ADAM12: variants seen among roughly 807,000 people sequenced by gnomAD.
ADAM12 encodes disintegrin and metalloproteinase domain-containing protein 12.
A neutral mutation model predicts 106.4 loss-of-function variants in ADAM12; 70 were observed. That is an observed-to-expected ratio of 0.66 (90% CI 0.54 to 0.80). The LOEUF is 0.80. Ranked by LOEUF, ADAM12 falls within the 30% of genes least tolerant of loss-of-function variation. The pLI is 0.00. For synonymous variants in ADAM12, 420 were observed against 433.5 expected (o/e 0.97, Z 0.39); for missense variants, 1,010 against 1,171.9 (o/e 0.86, Z 2.02).
intron 2 of ADAM12, among the ~76,000 whole-genome samples, chr10:126,317,257 T>C (rs1284579223): frequency 6.6e-6 from 1 of 152,194 alleles, no homozygotes; most frequent in African/African-American, 2.4e-5. Flanking sequence ...GCCAAGCTAA[T>C]GGCTCCCATG....
Position 126,159,307 on chromosome 10 carries a change from CAAAAAAAA to C in ADAM12, c.261-4010_261-4003del, listed in dbSNP as rs3069557. 6.4e-3 allele frequency among the ~76,000 whole-genome samples: 516 copies of C among 80,570 alleles called. 6 individuals are homozygous for C. The highest frequency in any genetic ancestry group is 0.026 in the Middle Eastern group (3 of 114). The allele number at this position is 80,570 out of a possible 152,430, so 52.9% of individuals were successfully genotyped here. On this transcript the variant is annotated intron_variant, in intron 3 of 22. Coordinates refer to ENST00000448723, the MANE Select transcript of ADAM12 (RefSeq NM_001288973.2). Reference sequence around the variant, plus strand: ...CCTGGGCAACAGAGCGAGACTCCATCAAAAAAAAAAAAAAAAAAAAAAAAGGAGCACAC... The same window carrying C: ...CCTGGGCAACAGAGCGAGACTCCATCAAAAAAAAAAAAAAAAGGAGCACAC...
At chr10:126,382,179 CA>C (rs151015864) in intron 1 of ADAM12, among the ~76,000 whole-genome samples, 40,986 of 151,872 alleles carry the variant, frequency 0.27, 6,308 homozygotes, top group Middle Eastern at 0.43. Flanking sequence ...GGCACTGGAA[CA>C]GGGGGCACTG....
chr10:126,120,155 A>G (rs1278397), intron 5 of ADAM12, among the ~76,000 whole-genome samples: 99,727 of 152,072 alleles, frequency 0.66, 33,371 homozygotes, highest in African/African-American at 0.8. Flanking sequence ...CTCTTCCTAG[A>G]ATAATTCACA....
At chr10:126,293,840 C>T (rs74744486) in intron 2 of ADAM12, among the ~76,000 whole-genome samples, 1,861 of 152,296 alleles carry the variant, frequency 0.012, 21 homozygotes, top group Non-Finnish European at 0.02. Context: ...CACAAGGCCC[C>T]TTCAGATGCC....
intron 4 of ADAM12, among the ~76,000 whole-genome samples, chr10:126,150,430 G>A (rs1179396036): frequency 6.6e-6 from 1 of 152,110 alleles, no homozygotes; most frequent in Non-Finnish European, 1.5e-5. Flanking sequence ...GCTGTCCTAT[G>A]ACAAACTCAA....
intron 1 of ADAM12, among the ~76,000 whole-genome samples, chr10:126,334,950 T>C (rs746909282): frequency 6.6e-6 from 1 of 152,222 alleles, no homozygotes. Flanking sequence ...TCTGAGGCTC[T>C]ACCGTCTACA....
At position 126,242,613 on chromosome 10, in the gene ADAM12, CT is replaced by C. The variant is rs748139840; in HGVS notation, c.260+36301del. Among the ~76,000 whole-genome samples the C allele has an allele frequency of 1.5e-3, 224 of 152,342 alleles. 1 individual carries two copies. The highest frequency in any genetic ancestry group is 3.4e-3 in the Middle Eastern group (1 of 294). On this transcript the variant is annotated intron_variant, in intron 3 of 22. Coordinates refer to ENST00000448723, the MANE Select transcript of ADAM12 (RefSeq NM_001288973.2). ...CCACAGTGGGTCCTCCACAACGCCC[CT>C]GACACAGGCTGAGCAAACCCTTTTA...
At chr10:126,360,144 G>A (rs1318758636) in intron 1 of ADAM12, among the ~76,000 whole-genome samples, 2 of 152,128 alleles carry the variant, frequency 1.3e-5, no homozygotes, top group Admixed American at 6.5e-5. Context: ...AGGGACCCTG[G>A]GCCTGACCCA....
chr10:126,101,310 G>C (rs1416890743), intron 8 of ADAM12, 69 bp from the exon 9 acceptor site: 1 of 1,522,494 alleles, frequency 6.6e-7, no homozygotes, highest in African/African-American at 1.4e-5. Flanking sequence ...ATGAAAATTA[G>C]AACAGATTTG....
At chr10:126,039,580 T>C in intron 18 of ADAM12, 151 bp from the exon 19 acceptor site, 2 of 919,854 alleles carry the variant, frequency 2.2e-6, no homozygotes, top group Non-Finnish European at 1.6e-6. Context: ...ACTGTCTTAC[T>C]TCAGATGCCA....
chr10:126,344,420 C>T (rs1245495066), intron 1 of ADAM12, among the ~76,000 whole-genome samples: 1 of 152,182 alleles, frequency 6.6e-6, no homozygotes, highest in East Asian at 1.9e-4. Context: ...GTTTTGGTTA[C>T]TATAGCCTTG....
chr10:126,128,233 C>T (rs963655688), intron 5 of ADAM12, among the ~76,000 whole-genome samples: 2 of 151,994 alleles, frequency 1.3e-5, no homozygotes, highest in African/African-American at 4.8e-5. Context: ...CAGGAGAGGC[C>T]CCGGTCTGCA....
At chr10:126,331,218 T>A (rs1300901220) in intron 1 of ADAM12, among the ~76,000 whole-genome samples, 2 of 152,192 alleles carry the variant, frequency 1.3e-5, no homozygotes, top group Non-Finnish European at 2.9e-5. Context: ...GTGTATCACT[T>A]TCTCAACAAA....
intron 1 of ADAM12, among the ~76,000 whole-genome samples, chr10:126,373,147 T>C (rs1856169236): frequency 6.6e-6 from 1 of 152,218 alleles, no homozygotes; most frequent in South Asian, 2.1e-4. Context: ...ATTGTTGGCT[T>C]ACTCCATTGT....
chr10:126,237,063 C>T (rs539353231), intron 3 of ADAM12, among the ~76,000 whole-genome samples: 1 of 152,308 alleles, frequency 6.6e-6, no homozygotes, highest in East Asian at 1.9e-4. Context: ...CGCCCACAAC[C>T]CCTCCCCCCA....
chr10:126,026,164 G>A (rs1340456075), intron 21 of ADAM12, among the ~76,000 whole-genome samples: 1 of 152,020 alleles, frequency 6.6e-6, no homozygotes, highest in Non-Finnish European at 1.5e-5. Flanking sequence ...CCAGGCAAAT[G>A]GAAAACAGAA....
chr10:126,025,224 T>C (rs1002598053), intron 21 of ADAM12, among the ~76,000 whole-genome samples: 4 of 152,126 alleles, frequency 2.6e-5, no homozygotes, highest in Middle Eastern at 3.2e-3. Flanking sequence ...GAAGTAGGCT[T>C]GAGAAGGTGG....
At chr10:126,242,557 C>G (rs1215223336) in intron 3 of ADAM12, among the ~76,000 whole-genome samples, 1 of 152,218 alleles carries the variant, frequency 6.6e-6, no homozygotes, top group African/African-American at 2.4e-5. Context: ...GAAGGCAGCA[C>G]TTCACAGAGC....
chr10:126,291,737 G>T (rs1357916755), intron 2 of ADAM12, among the ~76,000 whole-genome samples: 2 of 152,180 alleles, frequency 1.3e-5, no homozygotes, highest in Admixed American at 1.3e-4. Flanking sequence ...GGCTCGGGGG[G>T]TGATGGATGC....
Sources: gnomAD v4.1 joint callset for allele counts (sites outside exome capture counted in the v4.1 genomes callset) on GRCh38, gnomAD v4.1.1 for gene constraint, MANE v1.5 for transcripts, NCBI Gene and HGNC (gene_info 2026-07-23, HGNC 2026-07-21) for gene names.